The following CIMAP1C variants were observed in gnomAD, a reference collection of about 807,000 sequenced individuals.
The protein encoded by CIMAP1C is outer dense fiber of sperm tails 3 like 1.
chr15:75,727,348 C>CT, the CIMAP1C span: 2 of 1,614,072 alleles, frequency 1.2e-6, no homozygotes, highest in Non-Finnish European at 1.7e-6. Context: ...AGCCATCCAT[C>CT]TATCAGAACC....
the CIMAP1C span, chr15:75,726,085 C>T: frequency 6.2e-7 from 1 of 1,613,830 alleles, no homozygotes; most frequent in Non-Finnish European, 8.5e-7. Flanking sequence ...AGCCCTGGGC[C>T]TTGCTATCTC....
At chr15:75,725,136 A>G in the CIMAP1C span, 1 of 1,613,994 alleles carries the variant, frequency 6.2e-7, no homozygotes, top group African/African-American at 1.3e-5. Flanking sequence ...ACCTCCGGCC[A>G]TCCTGCACGG....
chr15:75,724,396 C>A, the CIMAP1C span: 1 of 954,104 alleles, frequency 1.0e-6, no homozygotes, highest in Non-Finnish European at 1.7e-6. Flanking sequence ...CTGCAAAGCC[C>A]CTTCCAACTT....
chr15:75,724,365 G>T, the CIMAP1C span: 1 of 1,316,446 alleles, frequency 7.6e-7, no homozygotes, highest in Non-Finnish European at 1.1e-6. Flanking sequence ...CCTCTCTCCA[G>T]GACTCCTTCC....
chr15:75,725,770 C>T, the CIMAP1C span, among the ~76,000 whole-genome samples: 1 of 152,228 alleles, frequency 6.6e-6, no homozygotes, highest in South Asian at 2.1e-4. Flanking sequence ...GCTGAATGCC[C>T]ACAGCAGCCA....
chr15:75,727,526 G>A, the CIMAP1C span: 103 of 1,583,170 alleles, frequency 6.5e-5, 1 homozygote, highest in Admixed American at 3.9e-4. Flanking sequence ...ACTGGTCATC[G>A]ACATTCGTGA....
At chr15:75,725,194 C>T in the CIMAP1C span, 2 of 1,613,580 alleles carry the variant, frequency 1.2e-6, no homozygotes, top group South Asian at 1.1e-5. Context: ...AGCTTATACC[C>T]TGCATAGCCG....
At chr15:75,726,034 G>A in the CIMAP1C span, 53 of 1,536,862 alleles carry the variant, frequency 3.4e-5, no homozygotes, top group Non-Finnish European at 4.7e-5. Flanking sequence ...GGCTGACCAG[G>A]CCCTCTCCTT....
chr15:75,726,392 G>A, the CIMAP1C span, among the ~76,000 whole-genome samples: 1 of 152,166 alleles, frequency 6.6e-6, no homozygotes, highest in Admixed American at 6.5e-5. Flanking sequence ...ATGATGACAT[G>A]GAGCTCCTGT....
chr15:75,725,160 T>C, the CIMAP1C span: 11 of 1,613,978 alleles, frequency 6.8e-6, no homozygotes, highest in Non-Finnish European at 9.3e-6. Context: ...ACATAGATCA[T>C]GACATCTCCA....
the CIMAP1C span, chr15:75,726,278 G>A: frequency 1.5e-6 from 1 of 684,460 alleles, no homozygotes; most frequent in Non-Finnish European, 2.6e-6. Flanking sequence ...CCTTGGAAAT[G>A]TCTGGATGCC....
At chr15:75,725,056 T>C in the CIMAP1C span, 1 of 1,277,406 alleles carries the variant, frequency 7.8e-7, no homozygotes, top group Non-Finnish European at 1.1e-6. Context: ...GGGCTTCCCC[T>C]GCCTCTGACC....
At chr15:75,727,246 T>C in the CIMAP1C span, 1 of 1,614,132 alleles carries the variant, frequency 6.2e-7, no homozygotes, top group Non-Finnish European at 8.5e-7. Context: ...GCCGAGCTGC[T>C]CCCTGCTACA....
chr15:75,725,674 G>T, the CIMAP1C span, among the ~76,000 whole-genome samples: 2 of 152,176 alleles, frequency 1.3e-5, no homozygotes, highest in East Asian at 3.9e-4. Flanking sequence ...GCACCCGGGG[G>T]TCTGAGATCT....
chr15:75,726,207 G>T, the CIMAP1C span: 17 of 1,212,342 alleles, frequency 1.4e-5, no homozygotes, highest in African/African-American at 3.0e-5. Context: ...TGGGGGTTGG[G>T]AGGTTGGGGG....
the CIMAP1C span, chr15:75,726,221 G>T: frequency 1.6e-6 from 2 of 1,222,152 alleles, no homozygotes; most frequent in Non-Finnish European, 2.4e-6. Flanking sequence ...TTGGGGGGTG[G>T]GGTGCACCCT....
the CIMAP1C span, chr15:75,727,354 G>T: frequency 6.2e-7 from 1 of 1,614,092 alleles, no homozygotes; most frequent in East Asian, 2.2e-5. Context: ...CCATCTATCA[G>T]AACCGCAGCC....
chr15:75,724,539 T>C, the CIMAP1C span, among the ~76,000 whole-genome samples: 1 of 152,260 alleles, frequency 6.6e-6, no homozygotes, highest in Non-Finnish European at 1.5e-5. Context: ...GGAAAAAGAC[T>C]AGGAGCCTTT....
the CIMAP1C span, chr15:75,725,907 T>A: frequency 1.6e-6 from 1 of 607,198 alleles, no homozygotes; most frequent in Non-Finnish European, 3.0e-6. Context: ...GTGTTAAAAG[T>A]CCCATTTTAC....
Sources: gnomAD v4.1 joint callset for allele counts (sites outside exome capture counted in the v4.1 genomes callset) on GRCh38, gnomAD v4.1.1 for gene constraint, MANE v1.5 for transcripts, NCBI Gene and HGNC (gene_info 2026-07-23, HGNC 2026-07-21) for gene names.